The following RP1 variants were observed in gnomAD, a reference collection of about 807,000 sequenced individuals.
RP1 encodes oxygen-regulated protein 1.
RP1 carries 16 observed loss-of-function variants against 14.8 expected under a neutral mutation model. That is an observed-to-expected ratio of 1.08 (90% CI 0.73 to 1.65). The LOEUF is 1.65. RP1 is among the 40% of genes most tolerant of loss of function. The probability of loss-of-function intolerance (pLI) is 0.00; values close to 1 mark genes in which losing one functional copy is unlikely to be tolerated. For synonymous variants in RP1, 876 were observed against 883.6 expected (o/e 0.99, Z 0.15); for missense variants, 2,631 against 2,535.0 (o/e 1.04, Z -0.81).
At chr8:54,794,640 C>T (rs2129386156) in intron 24 of RP1, among the ~76,000 whole-genome samples, 1 of 151,998 alleles carries the variant, frequency 6.6e-6, no homozygotes, top group Admixed American at 6.5e-5. Flanking sequence ...AAACCATAGG[C>T]AAAACCCACT....
At chr8:54,661,306 G>GATATATATATGAGATATAT (rs1554522269) in intron 6 of RP1, among the ~76,000 whole-genome samples, 2 of 79,290 alleles carry the variant, frequency 2.5e-5, no homozygotes, top group Non-Finnish European at 4.5e-5. Flanking sequence ...ATATATATGA[G>GATATATATATGAGATATAT]ATATATATAT....
chr8:54,710,635 A>G (rs1399980091), intron 15 of RP1, among the ~76,000 whole-genome samples: 1 of 152,150 alleles, frequency 6.6e-6, no homozygotes, highest in Non-Finnish European at 1.5e-5. Context: ...GGAGAATTTT[A>G]TTGAGCAATG....
chr8:54,810,763 A>G (rs951887988), intron 24 of RP1, among the ~76,000 whole-genome samples: 2 of 152,346 alleles, frequency 1.3e-5, no homozygotes, highest in South Asian at 4.1e-4. Flanking sequence ...GCTCGGTCCA[A>G]CATGCCACAG....
chr8:54,795,745 C>T (rs1810563558), intron 24 of RP1, among the ~76,000 whole-genome samples: 1 of 152,170 alleles, frequency 6.6e-6, no homozygotes, highest in Admixed American at 6.5e-5. Flanking sequence ...ATATCCTCCT[C>T]TGTCTCTCAA....
chr8:54,758,078 C>T (rs914216175), intron 21 of RP1, among the ~76,000 whole-genome samples: 2 of 152,140 alleles, frequency 1.3e-5, no homozygotes, highest in African/African-American at 4.8e-5. Context: ...CAGCTCTCCA[C>T]ATAGGCAATA....
At chr8:54,594,778 T>C (rs1230003425) in intron 1 of RP1, among the ~76,000 whole-genome samples, 1 of 152,184 alleles carries the variant, frequency 6.6e-6, no homozygotes, top group Non-Finnish European at 1.5e-5. Flanking sequence ...AGTTGTTCAT[T>C]AGAGATACAT....
intron 19 of RP1, among the ~76,000 whole-genome samples, chr8:54,743,094 C>T (rs528579779): frequency 6.6e-6 from 1 of 152,210 alleles, no homozygotes; most frequent in Non-Finnish European, 1.5e-5. Flanking sequence ...TTTCCTACAC[C>T]TTACTTTACT....
In RP1 at chr8:54,624,909, G is replaced by A. The variant is rs1234221299; in HGVS notation, c.1027G>A (p.Glu343Lys). 1 of 1,614,064 alleles carries A rather than the reference G, an allele frequency of 6.2e-7. No homozygotes were observed. The highest frequency in any genetic ancestry group is 1.1e-5 in the South Asian group (1 of 91,050). The change falls in exon 4 of 4, where the codon GAG becomes AAG. Residue 343 changes from glutamate (E) to lysine (K), a missense_variant. Glu to Lys is a moderately conservative substitution (Grantham distance 56, BLOSUM62 1). Transcript: ENST00000220676. ...GATGAAAGTTCGATTCAGAATAAAAGAGGAAGAAACCATAAAATGGACAAC... is the reference window on the plus strand; with the variant it reads ...GATGAAAGTTCGATTCAGAATAAAAAAGGAAGAAACCATAAAATGGACAAC... ...VEMKVRFRIK[E>K]EETIKWTTTV...
intron 12 of RP1, among the ~76,000 whole-genome samples, chr8:54,688,341 C>T (rs111887981): frequency 0.3 from 45,473 of 152,006 alleles, 8,311 homozygotes; most frequent in Middle Eastern, 0.48. Flanking sequence ...TCTATTTTGG[C>T]TTTTGTTGCC....
chr8:54,615,346 C>T (rs949383459), upstream of RP1, among the ~76,000 whole-genome samples: 2 of 152,150 alleles, frequency 1.3e-5, no homozygotes, highest in Non-Finnish European at 2.9e-5. Context: ...CCCCAGAGGA[C>T]CCCTTACCTT....
intron 26 of RP1, among the ~76,000 whole-genome samples, chr8:54,854,460 A>G (rs534990107): frequency 1.3e-5 from 2 of 152,376 alleles, no homozygotes; most frequent in East Asian, 3.9e-4. Flanking sequence ...TCCCCAAATC[A>G]GTTTTATGTA....
intron 1 of RP1, among the ~76,000 whole-genome samples, chr8:54,598,404 T>C (rs1356529359): frequency 6.6e-6 from 1 of 152,192 alleles, no homozygotes; most frequent in Non-Finnish European, 1.5e-5. Context: ...TTTAATTCTC[T>C]TTACCCTCCC....
intron 1 of RP1, among the ~76,000 whole-genome samples, chr8:54,618,344 A>G (rs1312484373): frequency 1.3e-5 from 2 of 152,146 alleles, no homozygotes; most frequent in African/African-American, 4.8e-5. Flanking sequence ...TCCTGGCCCC[A>G]GCACAAAATC....
intron 1 of RP1, among the ~76,000 whole-genome samples, chr8:54,568,487 A>AT (rs1192928781): frequency 6.6e-6 from 1 of 152,154 alleles, no homozygotes; most frequent in Non-Finnish European, 1.5e-5. Flanking sequence ...TGTTGAAGAT[A>AT]TTTTATCTTC....
At chr8:54,756,968 G>A (rs139590239) in intron 21 of RP1, among the ~76,000 whole-genome samples, 1 of 152,302 alleles carries the variant, frequency 6.6e-6, no homozygotes, top group Non-Finnish European at 1.5e-5. Flanking sequence ...AGATATAGTT[G>A]CAATCAGTGT....
chr8:54,741,036 C>CA (rs755091828), intron 19 of RP1, among the ~76,000 whole-genome samples: 2,072 of 83,802 alleles, frequency 0.025, 19 homozygotes, highest in Middle Eastern at 0.033. Flanking sequence ...GACTTTGTCT[C>CA]AAAAAAAAAA....
downstream of RP1, among the ~76,000 whole-genome samples, chr8:54,631,236 A>G (rs906495047): frequency 3.3e-5 from 5 of 152,214 alleles, no homozygotes; most frequent in African/African-American, 1.2e-4. Context: ...AAAATTATGA[A>G]TTGCTACTTC....
At chr8:54,566,413 A>G (rs1586386819) in intron 1 of RP1, among the ~76,000 whole-genome samples, 1 of 151,704 alleles carries the variant, frequency 6.6e-6, no homozygotes, top group Non-Finnish European at 1.5e-5. Flanking sequence ...TTCTGTGTTG[A>G]CTCCTTCCAA....
At chr8:54,753,220 A>G (rs1483181271) in intron 19 of RP1, among the ~76,000 whole-genome samples, 1 of 152,164 alleles carries the variant, frequency 6.6e-6, no homozygotes, top group Non-Finnish European at 1.5e-5. Context: ...TCACTCATTA[A>G]TGGTCAGGCG....
Sources: allele counts gnomAD v4.1 joint callset (sites outside exome capture counted in the v4.1 genomes callset), GRCh38; gene constraint gnomAD v4.1.1; transcripts MANE v1.5; gene names NCBI Gene and HGNC (gene_info 2026-07-23, HGNC 2026-07-21).